The following PCGF6 variants were observed in gnomAD, a reference collection of about 807,000 sequenced individuals.
PCGF6 encodes the protein polycomb group ring finger 6.
Under a neutral mutation model 45.5 loss-of-function variants are expected in PCGF6, and 24 were observed. That is an observed-to-expected ratio of 0.53 (90% CI 0.38 to 0.74). The LOEUF (loss-of-function observed/expected upper bound fraction) is 0.74. Among genes scored for constraint, PCGF6 ranks in the 30% least tolerant of loss-of-function variants. The pLI is 0.00. For synonymous variants in PCGF6, 152 were observed against 162.1 expected (o/e 0.94, Z 0.47); for missense variants, 356 against 443.2 (o/e 0.80, Z 1.77).
At chr10:103,328,864 G>C (rs1212191892) in intron 7 of PCGF6, among the ~76,000 whole-genome samples, 1 of 149,210 alleles carries the variant, frequency 6.7e-6, no homozygotes, top group Non-Finnish European at 1.5e-5. Context: ...CGATTCTCTT[G>C]CCTCAGCCTC....
chr10:103,342,081 C>T lies in PCGF6; in HGVS notation c.782+2943G>A, dbSNP rs1420572913. 3.3e-5 allele frequency among the ~76,000 whole-genome samples: 5 copies of T among 151,776 alleles called. No individual in the cohort carries two copies. The South Asian group carries it at 8.3e-4, about 25-fold the overall frequency. On this transcript the variant is annotated intron_variant, in intron 6 of 9. Coordinates refer to ENST00000369847, the MANE Select transcript of PCGF6 (RefSeq NM_001011663.2). ...TCCCAAGTAGCTGGAATCACAGGCA[C>T]GTGCCACCACACCTAGCTAATTTTT... is the stretch of plus-strand genomic sequence containing the variant.
intron 9 of PCGF6, among the ~76,000 whole-genome samples, chr10:103,304,646 C>G (rs2093131358): frequency 7.7e-6 from 1 of 129,656 alleles, no homozygotes; most frequent in Non-Finnish European, 1.6e-5. Context: ...TGGCCCGACA[C>G]CCAGCCCCAC....
chr10:103,325,849 T>C (rs1232615797), intron 8 of PCGF6, among the ~76,000 whole-genome samples: 1 of 96,510 alleles, frequency 1.0e-5, no homozygotes, highest in Non-Finnish European at 2.2e-5. Context: ...AGACCGCATC[T>C]CTTAAAAAAA....
intron 8 of PCGF6, 46 bp from the exon 9 acceptor site, chr10:103,314,318 AC>A: frequency 8.8e-7 from 1 of 1,133,742 alleles, no homozygotes. Flanking sequence ...GCTTCAAAAT[AC>A]CATCTGAAGA....
intron 7 of PCGF6, among the ~76,000 whole-genome samples, chr10:103,327,841 A>ATT (rs11345505): frequency 3.6e-5 from 5 of 137,424 alleles, no homozygotes; most frequent in Non-Finnish European, 3.1e-5. Flanking sequence ...CGCCCAACTA[A>ATT]TTTTTTTTTT....
At chr10:103,335,852 A>G (rs1184637356) in intron 6 of PCGF6, among the ~76,000 whole-genome samples, 1 of 152,124 alleles carries the variant, frequency 6.6e-6, no homozygotes, top group Non-Finnish European at 1.5e-5. Context: ...CTGTAATCCC[A>G]GCTACTCGGG....
intron 8 of PCGF6, among the ~76,000 whole-genome samples, chr10:103,318,868 C>T (rs74693936): frequency 0.052 from 7,870 of 152,252 alleles, 246 homozygotes; most frequent in Middle Eastern, 0.13. Flanking sequence ...CCTAGTTCCT[C>T]GATAGCCAAA....
intron 5 of PCGF6, among the ~76,000 whole-genome samples, chr10:103,346,669 C>T (rs1179547163): frequency 6.6e-6 from 1 of 151,918 alleles, no homozygotes; most frequent in Non-Finnish European, 1.5e-5. Context: ...GTGGCGTGTG[C>T]CTGTAATCTC....
At chr10:103,332,473 C>CCCAGT (rs1321522624) in intron 7 of PCGF6, among the ~76,000 whole-genome samples, 1 of 151,980 alleles carries the variant, frequency 6.6e-6, no homozygotes, top group African/African-American at 2.4e-5. Context: ...ACAGGGTATT[C>CCCAGT]CTGTGTTGCC....
chr10:103,323,453 C>T (rs1164806371), intron 8 of PCGF6, among the ~76,000 whole-genome samples: 1 of 151,984 alleles, frequency 6.6e-6, no homozygotes, highest in Admixed American at 6.6e-5. Context: ...TGCGCCACCA[C>T]GCCCGGCTGA....
At chr10:103,306,633 T>C (rs1352289276) in intron 9 of PCGF6, among the ~76,000 whole-genome samples, 1 of 152,214 alleles carries the variant, frequency 6.6e-6, no homozygotes, top group Non-Finnish European at 1.5e-5. Flanking sequence ...ATCTGGTTTG[T>C]GTTCCTGGCA....
At chr10:103,304,808 AC>A (rs1376088205) in intron 9 of PCGF6, among the ~76,000 whole-genome samples, 1 of 151,928 alleles carries the variant, frequency 6.6e-6, no homozygotes, top group African/African-American at 2.4e-5. Context: ...GACACGCACC[AC>A]CACCAGACTC....
At chr10:103,350,658 T>C in intron 1 of PCGF6, 49 bp downstream of exon 1, 1 of 1,398,510 alleles carries the variant, frequency 7.2e-7, no homozygotes, top group Non-Finnish European at 9.3e-7. Context: ...GCCAGCTACG[T>C]CCCTGACGCC....
At chr10:103,325,123 G>A (rs1003588083) in intron 8 of PCGF6, among the ~76,000 whole-genome samples, 1 of 147,168 alleles carries the variant, frequency 6.8e-6, no homozygotes, top group Non-Finnish European at 1.5e-5. Context: ...CAACAGAGTG[G>A]GACTCAGTCT....
intron 7 of PCGF6, among the ~76,000 whole-genome samples, chr10:103,329,997 C>T (rs1215010997): frequency 6.9e-6 from 1 of 145,406 alleles, no homozygotes; most frequent in Non-Finnish European, 1.5e-5. Flanking sequence ...TATCGATCTC[C>T]TGACTCGTGA....
At chr10:103,324,018 C>T (rs2093207332) in intron 8 of PCGF6, among the ~76,000 whole-genome samples, 1 of 151,446 alleles carries the variant, frequency 6.6e-6, no homozygotes, top group Non-Finnish European at 1.5e-5. Context: ...AGGCTAACTG[C>T]AACCTCCGTC....
chr10:103,333,168 A>G (rs2093246364), intron 7 of PCGF6, among the ~76,000 whole-genome samples: 1 of 151,850 alleles, frequency 6.6e-6, no homozygotes, highest in Admixed American at 6.6e-5. Flanking sequence ...CATTCCCTCT[A>G]TCACATCAAT....
chr10:103,350,952 C>CG lies in PCGF6; in HGVS notation c.114dup (p.Ala39ArgfsTer4). On this transcript the variant is annotated frameshift_variant, in exon 1 of 10. Coordinates refer to ENST00000369847, the MANE Select transcript of PCGF6 (RefSeq NM_001011663.2). LOFTEE classifies it high-confidence loss of function. Reference sequence around the variant, plus strand: ...GGCGCCGGTCCCTCCTCACCCGCTGCGGGTGCAGGGGTGAGGGCGGGCGGG... The same window carrying CG: ...GGCGCCGGTCCCTCCTCACCCGCTGCGGGGTGCAGGGGTGAGGGCGGGCGGG... 6.7e-7 allele frequency: 1 copy of CG among 1,490,240 alleles called. No homozygotes were observed. Among genetic ancestry groups the CG allele is most frequent in the Non-Finnish European group, 8.9e-7 (1 of 1,126,686 alleles). The allele number at this position is 1,490,240 out of a possible 1,614,324, so 92.3% of individuals were successfully genotyped here.
intron 8 of PCGF6, among the ~76,000 whole-genome samples, chr10:103,322,275 AC>A (rs1290770534): frequency 6.6e-6 from 1 of 152,004 alleles, no homozygotes; most frequent in Non-Finnish European, 1.5e-5. Context: ...ATCATGGATC[AC>A]TGTAGCCTGG....
Sources: allele counts gnomAD v4.1 joint callset (sites outside exome capture counted in the v4.1 genomes callset), GRCh38; gene constraint gnomAD v4.1.1; transcripts MANE v1.5; gene names NCBI Gene and HGNC (gene_info 2026-07-23, HGNC 2026-07-21).